Variants in SAXO1 observed in about 807,000 individuals in gnomAD.
SAXO1 encodes the protein stabilizer of axonemal microtubules 1.
A neutral mutation model predicts 17.5 loss-of-function variants in SAXO1; 21 were observed. That is an observed-to-expected ratio of 1.20 (90% CI 0.85 to 1.72). The LOEUF (loss-of-function observed/expected upper bound fraction) is 1.72. SAXO1 is among the 40% of genes most tolerant of loss of function. The probability of loss-of-function intolerance (pLI) is 0.00; values close to 1 mark genes in which losing one functional copy is unlikely to be tolerated. For synonymous variants in SAXO1, 274 were observed against 216.5 expected, an observed-to-expected ratio of 1.27 and a Z score of -2.33; for missense variants, 843 against 596.0, an observed-to-expected ratio of 1.41 and a Z score of -4.32.
chr9:18,991,041 T>C (rs1833791312), intron 1 of SAXO1, among the ~76,000 whole-genome samples: 1 of 152,260 alleles, frequency 6.6e-6, no homozygotes, highest in Admixed American at 6.5e-5. Flanking sequence ...GTGGATCACC[T>C]GAGGTCAGGA....
chr9:18,990,113 G>A (rs1242090547), intron 1 of SAXO1, among the ~76,000 whole-genome samples: 1 of 151,818 alleles, frequency 6.6e-6, no homozygotes, highest in Non-Finnish European at 1.5e-5. Flanking sequence ...GCAGACTGAA[G>A]CTACATTTGA....
At position 18,928,167 on chromosome 9, in the gene SAXO1, G is replaced by A. The variant is rs946911453; in HGVS notation, c.1310C>T (p.Ala437Val). 2 of 1,614,206 alleles carry A rather than the reference G, an allele frequency of 1.2e-6. No homozygotes were observed. Among genetic ancestry groups the A allele is most frequent in the Non-Finnish European group, 1.7e-6 (2 of 1,180,040 alleles). Residue 437 changes from alanine to valine, a missense_variant, in exon 4 of 4, where the codon GCT becomes GTT. Physicochemically the swap from Ala to Val is moderately conservative, Grantham distance 64 (BLOSUM62 0). Transcript: ENST00000380534. ...PPGYTFEEVD[A>V]LGHRIYKPVS... ...TGGTTTGTATATCCTGTGACCCAAA[G>A]CATCCACTTCCTCAAAGGTGTAGCC...
chr9:18,978,200 C>T (rs921762128), intron 1 of SAXO1, among the ~76,000 whole-genome samples: 1 of 151,998 alleles, frequency 6.6e-6, no homozygotes, highest in Non-Finnish European at 1.5e-5. Flanking sequence ...GGATCCACCC[C>T]CAACCCCACA....
chr9:19,043,609 A>T lies in SAXO1; in HGVS notation c.-158+5600T>A, dbSNP rs528114213. Among the ~76,000 whole-genome samples, 30 of 152,160 alleles carry T rather than the reference A, an allele frequency of 2.0e-4. No homozygotes were observed. The South Asian group carries it at 5.8e-3, about 29-fold the overall frequency. ...TAGTGGGATCCTGTCTCTACAAAAA[A>T]TACAAAAATTAGCCAGGCATGGTAG... is the stretch of plus-strand genomic sequence containing the variant. On this transcript the variant is annotated intron_variant, in intron 1 of 3. Coordinates refer to the SAXO1 transcript ENST00000542071.
intron 1 of SAXO1, chr9:19,027,007 T>TG (rs1835502257): frequency 2.3e-6 from 2 of 869,958 alleles, no homozygotes; most frequent in Admixed American, 3.4e-5. Flanking sequence ...ATCAAGATCA[T>TG]GAAGAGTTAA....
intron 1 of SAXO1, among the ~76,000 whole-genome samples, chr9:18,954,151 A>G (rs1832149806): frequency 6.6e-6 from 1 of 152,164 alleles, no homozygotes; most frequent in South Asian, 2.1e-4. Flanking sequence ...AGAACTCTCT[A>G]GTCTTTCCAC....
At chr9:18,985,709 C>T (rs1342527396) in intron 1 of SAXO1, among the ~76,000 whole-genome samples, 2 of 152,206 alleles carry the variant, frequency 1.3e-5, no homozygotes, top group African/African-American at 4.8e-5. Context: ...CCTGCCCTTT[C>T]TGTTCCGGCA....
chr9:18,933,067 G>A (rs1831124536), intron 3 of SAXO1, among the ~76,000 whole-genome samples: 2 of 152,322 alleles, frequency 1.3e-5, no homozygotes, highest in South Asian at 4.1e-4. Context: ...ATACAATATT[G>A]AGTGGAAGTG....
chr9:18,956,953 C>T (rs954002704), intron 1 of SAXO1, among the ~76,000 whole-genome samples: 8 of 152,210 alleles, frequency 5.3e-5, no homozygotes. Context: ...GTGACAAAGG[C>T]ACAACTGGAC....
chr9:18,930,174 A>AGAGGGAAGATTTTCAG (rs1830979535), intron 3 of SAXO1, among the ~76,000 whole-genome samples: 1 of 152,196 alleles, frequency 6.6e-6, no homozygotes. Flanking sequence ...AAAAATAATC[A>AGAGGGAAGATTTTCAG]GAGGGAAGAT....
chr9:18,957,033 T>C (rs1403885165), intron 1 of SAXO1, among the ~76,000 whole-genome samples: 2 of 152,220 alleles, frequency 1.3e-5, no homozygotes, highest in African/African-American at 4.8e-5. Flanking sequence ...CTTGATGGAA[T>C]GCCAGCCTGT....
intron 2 of SAXO1, among the ~76,000 whole-genome samples, chr9:18,948,650 C>T (rs75534508): frequency 0.017 from 2,557 of 152,214 alleles, 79 homozygotes; most frequent in African/African-American, 0.059. Context: ...AGGGAGGGTA[C>T]CTGGAGTTGC....
intron 1 of SAXO1, among the ~76,000 whole-genome samples, chr9:18,985,740 G>A (rs1166771809): frequency 6.6e-6 from 1 of 152,200 alleles, no homozygotes; most frequent in Non-Finnish European, 1.5e-5. Context: ...AAAGGCTAAT[G>A]AGAACAAGGT....
At chr9:18,958,435 A>G (rs1436972690) in intron 1 of SAXO1, among the ~76,000 whole-genome samples, 2 of 152,096 alleles carry the variant, frequency 1.3e-5, no homozygotes, top group African/African-American at 4.8e-5. Flanking sequence ...GAAAATAAAT[A>G]AGTAAACCAG....
At chr9:18,929,730 T>C (rs1056841316) in intron 3 of SAXO1, among the ~76,000 whole-genome samples, 2 of 152,200 alleles carry the variant, frequency 1.3e-5, no homozygotes, top group African/African-American at 4.8e-5. Context: ...ATAAGGTGGG[T>C]ACTATTAATG....
At chr9:19,031,798 A>G (rs979721391) in intron 1 of SAXO1, among the ~76,000 whole-genome samples, 5 of 152,052 alleles carry the variant, frequency 3.3e-5, no homozygotes, top group Non-Finnish European at 2.9e-5. Context: ...TAGTTTTCAA[A>G]CTCCCTGTGT....
intron 1 of SAXO1, among the ~76,000 whole-genome samples, chr9:19,013,350 T>C (rs1834835391): frequency 6.6e-6 from 1 of 152,062 alleles, no homozygotes; most frequent in Admixed American, 6.6e-5. Flanking sequence ...TTTTACTTTC[T>C]TAGAGATTAG....
chr9:19,039,929 A>T (rs1209099685), intron 1 of SAXO1, among the ~76,000 whole-genome samples: 11 of 152,130 alleles, frequency 7.2e-5, no homozygotes, highest in Non-Finnish European at 1.6e-4. Flanking sequence ...GGGTTTCACC[A>T]TGTTGGCCAG....
Position 19,049,295 on chromosome 9 carries a change from G to A in SAXO1, c.-244C>T, listed in dbSNP as rs901923852. 11 of 197,408 alleles carry A rather than the reference G, an allele frequency of 5.6e-5. No homozygotes were observed. Among genetic ancestry groups the A allele is most frequent in the African/African-American group, 2.1e-4 (9 of 42,340 alleles). The allele number at this position is 197,408 out of a possible 1,614,324, so 12.2% of individuals were successfully genotyped here. On this transcript the variant is annotated 5_prime_UTR_variant, in exon 1 of 4. Coordinates refer to the SAXO1 transcript ENST00000542071. The surrounding 1 kb of genome is among the most constrained non-coding windows in gnomAD (Gnocchi z 5.4). ...CCATCTTAGGGCTCACGCCGCCCCG[G>A]TTAGGTTTCATTAGAGCAGCGGCTT...
Sources: allele counts gnomAD v4.1 joint callset (sites outside exome capture counted in the v4.1 genomes callset), GRCh38; gene constraint gnomAD v4.1.1; non-coding constraint Gnocchi (gnomAD v3.1); transcripts MANE v1.5; gene names NCBI Gene and HGNC (gene_info 2026-07-23, HGNC 2026-07-21).